CHKA: variants seen among roughly 807,000 people sequenced by gnomAD.
CHKA encodes CHETK-alpha.
CHKA carries 34 observed loss-of-function variants against 60.1 expected under a neutral mutation model. The ratio of observed to expected loss-of-function variants is 0.57; its 90% CI spans 0.43 to 0.75. The LOEUF is 0.75. Ranked by LOEUF, CHKA falls within the 30% of genes least tolerant of loss-of-function variation. CHKA has a pLI of 0.00. For missense variants in CHKA, 563 were observed against 561.3 expected, an observed-to-expected ratio of 1.00 and a Z score of -0.03; for synonymous variants, 217 against 223.1, an observed-to-expected ratio of 0.97 and a Z score of 0.24.
intron 2 of CHKA, among the ~76,000 whole-genome samples, chr11:68,086,863 G>A (rs2134620420): frequency 6.6e-6 from 1 of 152,282 alleles, no homozygotes; most frequent in South Asian, 2.1e-4. Context: ...GCGGGCGCCT[G>A]TTGTCCCAGC....
At chr11:68,105,356 A>G (rs1857873003) in intron 1 of CHKA, among the ~76,000 whole-genome samples, 1 of 151,682 alleles carries the variant, frequency 6.6e-6, no homozygotes, top group East Asian at 1.9e-4. Flanking sequence ...CTCTACTAAA[A>G]ATACAAAAAT....
At chr11:68,095,799 C>T (rs1214134602) in intron 2 of CHKA, among the ~76,000 whole-genome samples, 1 of 149,146 alleles carries the variant, frequency 6.7e-6, no homozygotes, top group African/African-American at 2.5e-5. Flanking sequence ...CCCAGCACCG[C>T]GAGAGGGTGA....
chr11:68,099,589 C>T (rs956219608), intron 1 of CHKA, among the ~76,000 whole-genome samples: 2 of 152,234 alleles, frequency 1.3e-5, no homozygotes, highest in African/African-American at 4.8e-5. Flanking sequence ...AGCAGGCCGA[C>T]AGCGTGTAGA....
At chr11:68,113,081 C>CAAAAAAAAAAAAAAAAAAA (rs71040587) in intron 1 of CHKA, among the ~76,000 whole-genome samples, 2 of 14,552 alleles carry the variant, frequency 1.4e-4, no homozygotes, top group Middle Eastern at 0.1. Context: ...GACTCCGTCT[C>CAAAAAAAAAAAAAAAAAAA]AAAAAAAAAA....
At position 68,074,719 on chromosome 11, in the gene CHKA, G is replaced by A; in HGVS notation, c.628C>T (p.Pro210Ser). Residue 210 changes from proline to serine, a missense_variant and splice_region_variant, in exon 4 of 12, where the codon CCG (proline) becomes TCG (serine). Coordinates refer to ENST00000265689, the MANE Select transcript of CHKA (RefSeq NM_001277.3). Reference sequence around the variant, plus strand: ...AAGCGTTTATGAACAAATCTTACCGGGATGAACTGCTCCAGTCGGCCTTGG... The same window carrying A: ...AAGCGTTTATGAACAAATCTTACCGAGATGAACTGCTCCAGTCGGCCTTGG... The part of the protein sequence containing the change: ...FPQGRLEQFI[P>S]SRRLDTEELS... 6.2e-7 allele frequency: 1 copy of A among 1,614,030 alleles called. No homozygotes were observed.
chr11:68,099,165 G>C (rs1051619751), intron 1 of CHKA, among the ~76,000 whole-genome samples: 1 of 152,166 alleles, frequency 6.6e-6, no homozygotes, highest in Non-Finnish European at 1.5e-5. Flanking sequence ...CAGGAGCTGG[G>C]GTGGGAAGGG....
intron 1 of CHKA, among the ~76,000 whole-genome samples, chr11:68,114,572 C>T (rs1858310575): frequency 6.6e-6 from 1 of 152,020 alleles, no homozygotes; most frequent in Admixed American, 6.6e-5. Context: ...TGGCACATGC[C>T]TGTAATTCCA....
At chr11:68,113,705 CA>C (rs1296835521) in intron 1 of CHKA, among the ~76,000 whole-genome samples, 1 of 143,420 alleles carries the variant, frequency 7.0e-6, no homozygotes, top group East Asian at 2.1e-4. Context: ...AAAACAAAAA[CA>C]AAAAACAGCC....
At chr11:68,058,695 A>C (rs972733506) in intron 11 of CHKA, among the ~76,000 whole-genome samples, 1 of 152,190 alleles carries the variant, frequency 6.6e-6, no homozygotes, top group African/African-American at 2.4e-5. Context: ...TGTCACCTAA[A>C]GAATAAAGGC....
At chr11:68,105,700 G>A (rs1044879835) in intron 1 of CHKA, among the ~76,000 whole-genome samples, 1 of 151,958 alleles carries the variant, frequency 6.6e-6, no homozygotes, top group Non-Finnish European at 1.5e-5. Context: ...CAAACCTGAG[G>A]AACTGTCTGC....
intron 5 of CHKA, among the ~76,000 whole-genome samples, chr11:68,070,503 C>A (rs544018740): frequency 6.6e-5 from 10 of 152,122 alleles, no homozygotes; most frequent in Non-Finnish European, 1.5e-4. Context: ...TCCCTTCACC[C>A]GTTCAATAGC....
At position 68,120,995 on chromosome 11, in the gene CHKA, C is replaced by T; in HGVS notation, c.183G>A (p.Pro61=). ...QQPPLALPPP[P]PLPLPLPLPQ... ...GCAGCGGCAGCGGCAGCGGCAGCGG[C>T]GGCGGAGGGGGCAGCGCGAGCGGCG... The change falls in exon 1 of 12, where the codon CCG becomes CCA. Residue 61 remains proline (P), a synonymous_variant. Transcript: ENST00000265689. 8.9e-7 allele frequency: 1 copy of T among 1,118,058 alleles called. No individual in the cohort carries two copies. Among genetic ancestry groups the T allele is most frequent in the Non-Finnish European group, 1.1e-6 (1 of 915,718 alleles). 69.3% of individuals were successfully genotyped at this position (1,118,058 alleles called of 1,614,324 possible).
At chr11:68,092,749 G>T (rs1449639966) in intron 2 of CHKA, among the ~76,000 whole-genome samples, 1 of 152,024 alleles carries the variant, frequency 6.6e-6, no homozygotes, top group Non-Finnish European at 1.5e-5. Flanking sequence ...GCAGAGCTAG[G>T]AAACCAAATA....
At chr11:68,055,997 G>A (rs530127372) in intron 11 of CHKA, among the ~76,000 whole-genome samples, 99 of 152,108 alleles carry the variant, frequency 6.5e-4, no homozygotes, top group African/African-American at 2.3e-3. Context: ...GTGGTGAGCC[G>A]AGATCGCACC....
intron 11 of CHKA, among the ~76,000 whole-genome samples, chr11:68,056,584 G>C (rs1246450527): frequency 6.6e-6 from 1 of 152,208 alleles, no homozygotes; most frequent in Non-Finnish European, 1.5e-5. Flanking sequence ...GGAGTTTCTA[G>C]AGAACTGAAT....
chr11:68,111,594 A>G, intron 1 of CHKA, among the ~76,000 whole-genome samples: 1 of 152,116 alleles, frequency 6.6e-6, no homozygotes, highest in East Asian at 1.9e-4. Context: ...AGCTACATTA[A>G]TTAAAACAGT....
At chr11:68,075,536 A>T (rs879915751) in intron 3 of CHKA, among the ~76,000 whole-genome samples, 20 of 152,144 alleles carry the variant, frequency 1.3e-4, no homozygotes, top group Non-Finnish European at 2.8e-4. Context: ...CTCAAAGCAA[A>T]TTCAGTCCTT....
At chr11:68,088,406 C>T (rs1242842653) in intron 2 of CHKA, among the ~76,000 whole-genome samples, 2 of 152,058 alleles carry the variant, frequency 1.3e-5, no homozygotes, top group East Asian at 3.9e-4. Context: ...TTAATACCCA[C>T]CCTGGTTATC....
intron 1 of CHKA, among the ~76,000 whole-genome samples, chr11:68,103,627 C>G (rs529561383): frequency 1.7e-4 from 26 of 151,956 alleles, no homozygotes; most frequent in Non-Finnish European, 3.1e-4. Context: ...AAAAAAAAAT[C>G]CAGGCTTGGT....
Sources: gnomAD v4.1 joint callset for allele counts (sites outside exome capture counted in the v4.1 genomes callset) on GRCh38, gnomAD v4.1.1 for gene constraint, MANE v1.5 for transcripts, NCBI Gene and HGNC (gene_info 2026-07-23, HGNC 2026-07-21) for gene names.